ANKRD66: variants seen among roughly 807,000 people sequenced by gnomAD.
ANKRD66 encodes the protein ankyrin repeat domain 66, also known as ankyrin repeat domain-containing protein 66.
In ANKRD66, 10 loss-of-function variants were observed where a neutral mutation model predicts 10.9. That is an observed-to-expected ratio of 0.91 (90% CI 0.56 to 1.55). The LOEUF is 1.55. Among genes scored for constraint, ANKRD66 ranks in the 40% most tolerant of loss-of-function variants. The pLI is 0.00. For synonymous variants in ANKRD66, 85 were observed against 88.4 expected, an observed-to-expected ratio of 0.96 and a Z score of 0.22; for missense variants, 252 against 242.9, an observed-to-expected ratio of 1.04 and a Z score of -0.25.
chr6:46,753,902 G>C lies in ANKRD66; in HGVS notation c.344G>C (p.Arg115Thr). 6.4e-7 allele frequency: 1 copy of C among 1,551,634 alleles called. No individual in the cohort carries two copies. The highest frequency in any genetic ancestry group is 1.2e-5 in the South Asian group (1 of 84,060). ...APDFFGDTPK[R>T]IAQIYGQKAC... Reference sequence around the variant, plus strand: ...GACTTCTTTGGAGACACACCGAAGAGGATTGCACAGATCTATGGACAGAAA... The same window carrying C: ...GACTTCTTTGGAGACACACCGAAGACGATTGCACAGATCTATGGACAGAAA... The change falls in exon 4 of 5, where the codon AGG becomes ACG. Residue 115 changes from arginine (R) to threonine (T), a missense_variant. Physicochemically the swap from Arg to Thr is moderately conservative, Grantham distance 71. Coordinates refer to ENST00000565422, the MANE Select transcript of ANKRD66 (RefSeq NM_001162435.3).
At chr6:46,751,037 A>T (rs1167747138) in intron 2 of ANKRD66, among the ~76,000 whole-genome samples, 2 of 152,204 alleles carry the variant, frequency 1.3e-5, no homozygotes, top group African/African-American at 4.8e-5. Flanking sequence ...ACATTCATTA[A>T]GTCATGTAAT....
At chr6:46,754,960 TCTGAA>T (rs1229650284) in intron 4 of ANKRD66, among the ~76,000 whole-genome samples, 1 of 152,204 alleles carries the variant, frequency 6.6e-6, no homozygotes, top group Non-Finnish European at 1.5e-5. Context: ...GACATTGTTC[TCTGAA>T]CTTTTTAAAA....
chr6:46,758,513 T>A, intron 4 of ANKRD66: 1 of 429,170 alleles, frequency 2.3e-6, no homozygotes, highest in Non-Finnish European at 4.1e-6. Context: ...TCTGTTAACA[T>A]CTCACTCGGG....
intron 4 of ANKRD66, chr6:46,758,267 A>G (rs1488265286): frequency 6.5e-6 from 1 of 152,976 alleles, no homozygotes; most frequent in Admixed American, 6.5e-5. Flanking sequence ...ATGTATTTTT[A>G]CAGAATCCAT....
rs1766319953 is a variant in ANKRD66, at chr6:46,753,889, GACAC to G, written c.334_337del (p.Thr112ArgfsTer59). The G allele has an allele frequency of 1.3e-6, 2 of 1,551,664 alleles. No individual in the cohort carries two copies. The highest frequency in any genetic ancestry group is 4.9e-5 in the East Asian group (2 of 40,900). On this transcript the variant is annotated frameshift_variant, in exon 4 of 5. Coordinates refer to ENST00000565422, the MANE Select transcript of ANKRD66 (RefSeq NM_001162435.3). LOFTEE classifies it high-confidence loss of function. ...CATCGACGCCCCTGACTTCTTTGGA[GACAC>G]ACCGAAGAGGATTGCACAGATCTAT...
chr6:46,758,697 T>C (rs1378054690), intron 4 of ANKRD66, 26 bp from the exon 5 acceptor site: 1 of 1,526,278 alleles, frequency 6.6e-7, no homozygotes, highest in East Asian at 2.5e-5. Context: ...TGATCCAAGT[T>C]CAGAAGGCTC....
rs1312693056 is a variant in ANKRD66, at chr6:46,753,806, T to G, written c.248T>G (p.Phe83Cys). The G allele has an allele frequency of 2.6e-6, 4 of 1,551,592 alleles. No homozygotes were observed. Among genetic ancestry groups the G allele is most frequent in the Non-Finnish European group, 3.5e-6 (4 of 1,146,998 alleles). Residue 83 changes from phenylalanine (F) to cysteine (C), a missense_variant, in exon 4 of 5, where the codon TTT becomes TGT. Physicochemically the swap from Phe to Cys is radical, Grantham distance 205. Coordinates refer to ENST00000565422, the MANE Select transcript of ANKRD66 (RefSeq NM_001162435.3). Reference protein sequence around the residue: ...VTSVGWTPAHFAAEAGHLNIL... With the variant: ...VTSVGWTPAHCAAEAGHLNIL... ...AGTGTGGGCTGGACCCCAGCTCATT[T>G]TGCAGCAGAAGCAGGCCATCTGAAT...
Position 46,747,002 on chromosome 6 carries a change from T to G in ANKRD66, c.-97+12T>G, listed in dbSNP as rs1215639130. ...TTTCACACAAGACAGTAAGTGTTTT[T>G]AAGTTACCCTCTCTTATTTACTATA... is the stretch of plus-strand genomic sequence containing the variant. On this transcript the variant is annotated intron_variant, in intron 1 of 4. Coordinates refer to ENST00000565422, the MANE Select transcript of ANKRD66 (RefSeq NM_001162435.3). 31 of 1,534,854 alleles carry G rather than the reference T, an allele frequency of 2.0e-5. No individual in the cohort carries two copies. The highest frequency in any genetic ancestry group is 2.7e-5 in the African/African-American group (2 of 73,034).
chr6:46,753,948 A>T lies in ANKRD66; in HGVS notation c.390A>T (p.Glu130Asp). ...YGQKACVAFL[E>D]KAEPECQDHR... is the part of the protein sequence containing the mutation. The stretch of plus-strand genomic sequence containing the variant: ...AGAAAGCCTGTGTGGCATTTCTGGA[A>T]AAGTAAGTTTATTTTTTTTCCACCT... The change falls in exon 4 of 5, where the codon GAA becomes GAT. Residue 130 changes from glutamate to aspartate, a missense_variant and splice_region_variant. Transcript: ENST00000565422. 4 of 1,550,724 alleles carry T rather than the reference A, an allele frequency of 2.6e-6. No homozygotes were observed. The highest frequency in any genetic ancestry group is 2.6e-6 in the Non-Finnish European group (3 of 1,146,418).
At position 46,753,733 on chromosome 6, in the gene ANKRD66, G is replaced by C. The variant is rs1213614051; in HGVS notation, c.175G>C (p.Val59Leu). 7 of 1,548,870 alleles carry C rather than the reference G, an allele frequency of 4.5e-6. No homozygotes were observed. The highest frequency in any genetic ancestry group is 6.1e-6 in the Non-Finnish European group (7 of 1,145,652). ...HWAAIKGQME[V>L]IRLLIEYGAR... is the part of the protein sequence containing the mutation. Reference sequence around the variant, plus strand: ...TTGGTACATCTAAGGGCAAATGGAGGTGATACGGCTCCTGATAGAATATGG... The same window carrying C: ...TTGGTACATCTAAGGGCAAATGGAGCTGATACGGCTCCTGATAGAATATGG... The change falls in exon 4 of 5, where the codon GTG becomes CTG. Residue 59 changes from valine to leucine, a missense_variant. Transcript: ENST00000565422.
At position 46,753,775 on chromosome 6, in the gene ANKRD66, G is replaced by GT; in HGVS notation, c.219dup (p.Thr74TyrfsTer2). 1.3e-6 allele frequency: 2 copies of GT among 1,551,650 alleles called. No individual in the cohort carries two copies. Among genetic ancestry groups the GT allele is most frequent in the Non-Finnish European group, 1.7e-6 (2 of 1,146,986 alleles). On this transcript the variant is annotated frameshift_variant, in exon 4 of 5. Transcript: ENST00000565422. LOFTEE classifies it high-confidence loss of function. ...AGAATATGGAGCCAGGCCCTGCCTG[G>GT]TTACTAGTGTGGGCTGGACCCCAGC...
Position 46,753,803 on chromosome 6 carries a change from A to C in ANKRD66, c.245A>C (p.His82Pro), listed in dbSNP as rs1196776106. 6.4e-7 allele frequency: 1 copy of C among 1,551,684 alleles called. No homozygotes were observed. Among genetic ancestry groups the C allele is most frequent in the Non-Finnish European group, 8.7e-7 (1 of 1,146,986 alleles). ...LVTSVGWTPA[H>P]FAAEAGHLNI... ...ACTAGTGTGGGCTGGACCCCAGCTC[A>C]TTTTGCAGCAGAAGCAGGCCATCTG... The change falls in exon 4 of 5, where the codon CAT becomes CCT. Residue 82 changes from histidine (H) to proline (P), a missense_variant. Physicochemically the swap from His to Pro is moderately conservative, Grantham distance 77. Transcript: ENST00000565422.
intron 3 of ANKRD66, 139 bp from the exon 4 acceptor site, chr6:46,753,582 AG>A: frequency 2.7e-6 from 2 of 743,168 alleles, no homozygotes; most frequent in East Asian, 5.5e-5. Flanking sequence ...AAAAGGGAGG[AG>A]GGGATGATGA....
chr6:46,749,413 A>AT (rs1282928109), intron 1 of ANKRD66, among the ~76,000 whole-genome samples: 3 of 152,110 alleles, frequency 2.0e-5, no homozygotes, highest in African/African-American at 7.2e-5. Flanking sequence ...TCGCCTAAGA[A>AT]TATCTCCACC....
At chr6:46,756,033 A>C in intron 4 of ANKRD66, 2 of 421,926 alleles carry the variant, frequency 4.7e-6, no homozygotes, top group East Asian at 7.3e-5. Context: ...TGTAAAACTG[A>C]AACTCCACAC....
chr6:46,758,560 A>T, intron 4 of ANKRD66, 163 bp from the exon 5 acceptor site: 1 of 547,248 alleles, frequency 1.8e-6, no homozygotes, highest in Non-Finnish European at 2.9e-6. Context: ...TAGTTTCTTT[A>T]GTGTCTGAGA....
At chr6:46,751,066 A>G (rs969759925) in intron 2 of ANKRD66, among the ~76,000 whole-genome samples, 3 of 152,236 alleles carry the variant, frequency 2.0e-5, no homozygotes, top group Admixed American at 1.3e-4. Context: ...AAGATTTAAT[A>G]AAAATAATTC....
At chr6:46,747,404 G>C (rs1157358352) in intron 1 of ANKRD66, among the ~76,000 whole-genome samples, 2 of 152,114 alleles carry the variant, frequency 1.3e-5, no homozygotes, top group East Asian at 3.9e-4. Context: ...TCTAATTTAA[G>C]AACATTTCAT....
At position 46,759,315 on chromosome 6, in the gene ANKRD66, G is replaced by A; in HGVS notation, c.*394G>A. 1 of 155,426 alleles carries A rather than the reference G, an allele frequency of 6.4e-6. No homozygotes were observed. The highest frequency in any genetic ancestry group is 1.4e-5 in the Non-Finnish European group (1 of 70,456). The allele number at this position is 155,426 out of a possible 1,614,324, so 9.6% of individuals were successfully genotyped here. ...GGTCTACTTTTTCAACTGTAAATTT[G>A]GGAAAATTAAATTCAGATCAGATAA... is the stretch of plus-strand genomic sequence containing the variant. On this transcript the variant is annotated 3_prime_UTR_variant, in exon 5 of 5. Coordinates refer to ENST00000565422, the MANE Select transcript of ANKRD66 (RefSeq NM_001162435.3).
Sources: gnomAD v4.1 joint callset for allele counts (sites outside exome capture counted in the v4.1 genomes callset) on GRCh38, gnomAD v4.1.1 for gene constraint, MANE v1.5 for transcripts, NCBI Gene and HGNC (gene_info 2026-07-23, HGNC 2026-07-21) for gene names.